ARHGAP45: variants seen among roughly 807,000 people sequenced by gnomAD.
The protein encoded by ARHGAP45 is rho GTPase-activating protein 45.
In ARHGAP45, 56 loss-of-function variants were observed where a neutral mutation model predicts 116.1. The ratio of observed to expected loss-of-function variants is 0.48; its 90% CI spans 0.39 to 0.60. The LOEUF (loss-of-function observed/expected upper bound fraction) is 0.60, where lower values mean the gene tolerates loss of function less well. ARHGAP45 is among the 20% of genes least tolerant of loss of function. ARHGAP45 has a pLI of 0.00. For missense variants in ARHGAP45, 1,622 were observed against 1,601.0 expected, an observed-to-expected ratio of 1.01 and a Z score of -0.22; for synonymous variants, 866 against 701.7, an observed-to-expected ratio of 1.23 and a Z score of -3.70.
chr19:1,084,034 C>T (rs992224767), intron 21 of ARHGAP45, among the ~76,000 whole-genome samples: 6 of 152,266 alleles, frequency 3.9e-5, no homozygotes, highest in African/African-American at 1.4e-4. Context: ...TGAGCCACTG[C>T]ACGCGGCGTC....
At chr19:1,066,263 G>T (rs2043029153), upstream of ARHGAP45, 1 of 728,714 alleles carries the variant, frequency 1.4e-6, no homozygotes, top group South Asian at 1.9e-5. Flanking sequence ...GGAGGGGGGA[G>T]AGAGTTCACA....
At chr19:1,074,966 C>G in intron 10 of ARHGAP45, 87 bp downstream of exon 10, 4 of 1,152,956 alleles carry the variant, frequency 3.5e-6, no homozygotes, top group Non-Finnish European at 4.5e-6. Flanking sequence ...AGCGAGGGCC[C>G]TGCGGCGAGC....
In ARHGAP45 at chr19:1,085,916, C is replaced by G. The variant is rs374136484; in HGVS notation, c.3321C>G (p.Asn1107Lys). 6.2e-7 allele frequency: 1 copy of G among 1,612,986 alleles called. No individual in the cohort carries two copies. Among genetic ancestry groups the G allele is most frequent in the Non-Finnish European group, 8.5e-7 (1 of 1,179,960 alleles). ...GATTCAACACCAACCAGTCCAACAACGTGCTGCAGGCCCCACTGCCCCCCA... is the reference window on the plus strand; with the variant it reads ...GATTCAACACCAACCAGTCCAACAAGGTGCTGCAGGCCCCACTGCCCCCCA... ...LSGFNTNQSN[N>K]VLQAPLPPMR... is the part of the protein sequence containing the mutation. The change falls in exon 23 of 23, where the codon AAC becomes AAG. Residue 1107 changes from asparagine (N) to lysine (K), a missense_variant. By Grantham distance (94) the Asn-to-Lys change is moderately conservative (BLOSUM62 0). This residue lies in a region of ARHGAP45 where 1,334 missense variants were observed against 1,263.8 expected (regional missense o/e 1.06). Transcript: ENST00000313093.
At chr19:1,066,139 C>T (rs1052348854), upstream of ARHGAP45, 27 of 1,535,410 alleles carry the variant, frequency 1.8e-5, no homozygotes, top group Non-Finnish European at 2.0e-5. Context: ...TCCTGTGCCC[C>T]AGAGATCTGC....
chr19:1,077,371 G>GTTA, intron 10 of ARHGAP45: 1 of 976,566 alleles, frequency 1.0e-6, no homozygotes, highest in Non-Finnish European at 1.2e-6. Flanking sequence ...GCCTCCTCCC[G>GTTA]TTCTTTTTTT....
At position 1,067,504 on chromosome 19, in the gene ARHGAP45, A is replaced by C; in HGVS notation, c.90+9A>C. 1.9e-6 allele frequency: 3 copies of C among 1,587,756 alleles called. No individual in the cohort carries two copies. Among genetic ancestry groups the C allele is most frequent in the South Asian group, 2.3e-5 (2 of 88,076 alleles). The stretch of plus-strand genomic sequence containing the variant: ...GCCCGCAGCCCTCGGGGGTGAGTGG[A>C]GCCCGGGTGAGACCCGGAGCTGACG... On this transcript the variant is annotated intron_variant, in intron 1 of 22. Transcript: ENST00000313093.
In ARHGAP45 at chr19:1,068,714, G is replaced by A; in HGVS notation, c.391G>A (p.Glu131Lys). 1 of 1,612,654 alleles carries A rather than the reference G, an allele frequency of 6.2e-7. No homozygotes were observed. The highest frequency in any genetic ancestry group is 8.5e-7 in the Non-Finnish European group (1 of 1,179,994). The change falls in exon 2 of 23, where the codon GAG (glutamate) becomes AAG (lysine). Residue 131 changes from glutamate to lysine, a missense_variant. Glu to Lys is a moderately conservative substitution (Grantham distance 56). Around this residue, in one of 3 missense-constraint regions of ARHGAP45, gnomAD observed 279 missense variants for 311.9 expected, o/e 0.89. Coordinates refer to ENST00000313093, the MANE Select transcript of ARHGAP45 (RefSeq NM_012292.5). The surrounding 1 kb of genome is among the most constrained non-coding windows in gnomAD (Gnocchi z 7.5). ...ADVARFAEGL[E>K]KLKECVLRDD... The stretch of plus-strand genomic sequence containing the variant: ...CGTGGCCCGCTTCGCTGAGGGCCTT[G>A]AGAAACTTAAGGAGTGTGTGTTGCG...
rs1022431680 is a variant in ARHGAP45, at chr19:1,069,201, C to G, written c.421+457C>G. 6.6e-6 allele frequency among the ~76,000 whole-genome samples: 1 copy of G among 151,982 alleles called. No individual in the cohort carries two copies. The highest frequency in any genetic ancestry group is 1.5e-5 in the Non-Finnish European group (1 of 67,988). ...TGGAATGAAGCAAACTGGGGGTTGG[C>G]TGAGGTCTGGGTGGAGAGAGATTCA... On this transcript the variant is annotated intron_variant, in intron 2 of 22. Transcript: ENST00000313093. This position sits in a 1 kb window ranked among gnomAD's most constrained non-coding sequence, Gnocchi z 4.1.
At position 1,074,701 on chromosome 19, in the gene ARHGAP45, T is replaced by G; in HGVS notation, c.1081T>G (p.Leu361Val). ...GHSMVQAVGT[L>V]QTQTFMQPLT... ...CAGCATGGTGCAGGCGGTGGGCACCTTGCAGACCCAGACCTTCATGCAGGT... is the reference window on the plus strand; with the variant it reads ...CAGCATGGTGCAGGCGGTGGGCACCGTGCAGACCCAGACCTTCATGCAGGT... Residue 361 changes from leucine (L) to valine (V), a missense_variant, in exon 9 of 23, where the codon TTG becomes GTG. By Grantham distance (32) the Leu-to-Val change is conservative. This residue lies in a region of ARHGAP45 where 1,334 missense variants were observed against 1,263.8 expected (regional missense o/e 1.06). Coordinates refer to ENST00000313093, the MANE Select transcript of ARHGAP45 (RefSeq NM_012292.5). 1.2e-6 allele frequency: 2 copies of G among 1,610,058 alleles called. No individual in the cohort carries two copies. The highest frequency in any genetic ancestry group is 1.7e-6 in the Non-Finnish European group (2 of 1,179,088).
rs1276487793 is a variant in ARHGAP45, at chr19:1,071,528, G to T, written c.422-1621G>T. On this transcript the variant is annotated intron_variant, in intron 2 of 22. Transcript: ENST00000313093. This position sits in a 1 kb window ranked among gnomAD's most constrained non-coding sequence, Gnocchi z 4.6. ...GGGTCGCGCCGGCCGCCGGCTTCCC[G>T]GGTAGGGGGTGTGCGGGGACAGCCG... 1.8e-5 allele frequency: 7 copies of T among 379,116 alleles called. No individual in the cohort carries two copies. Among genetic ancestry groups the T allele is most frequent in the Non-Finnish European group, 2.6e-5 (7 of 273,808 alleles). The allele number at this position is 379,116 out of a possible 1,614,324, so 23.5% of individuals were successfully genotyped here.
rs1568464614 is a variant in ARHGAP45, at chr19:1,076,481, G to GTTTTTTTTTTTT, written c.1186-1375_1186-1374insTTTTTTTTTTTT. On this transcript the variant is annotated intron_variant, in intron 10 of 22. Coordinates refer to ENST00000313093, the MANE Select transcript of ARHGAP45 (RefSeq NM_012292.5). ...TAGAAACCTGTGATTGTTGGCAGTA[G>GTTTTTTTTTTTT]TCTTTTTTTTTTTTTTTTTTTTTTT... Among the ~76,000 whole-genome samples, 80 of 104,162 alleles carry GTTTTTTTTTTTT rather than the reference G, an allele frequency of 7.7e-4. 3 individuals are homozygous for GTTTTTTTTTTTT. The highest frequency in any genetic ancestry group is 3.0e-3 in the African/African-American group (77 of 25,336). The allele number at this position is 104,162 out of a possible 152,430, so 68.3% of individuals were successfully genotyped here.
Position 1,074,242 on chromosome 19 carries a change from G to A in ARHGAP45, c.928+1G>A. On this transcript the variant is annotated splice_donor_variant, in intron 7 of 22. Coordinates refer to ENST00000313093, the MANE Select transcript of ARHGAP45 (RefSeq NM_012292.5). LOFTEE classifies it high-confidence loss of function. ...TACCTGGAGAAGCGGACGACGCTGG[G>A]TGAGAGCTGGTGTCCCAGCAGGGTG... The A allele has an allele frequency of 1.2e-6, 2 of 1,612,908 alleles. No individual in the cohort carries two copies. The highest frequency in any genetic ancestry group is 1.7e-6 in the Non-Finnish European group (2 of 1,179,814).
At position 1,068,117 on chromosome 19, in the gene ARHGAP45, A is replaced by T. The variant is rs994110806; in HGVS notation, c.91-297A>T. Among the ~76,000 whole-genome samples, 3 of 152,086 alleles carry T rather than the reference A, an allele frequency of 2.0e-5. No individual in the cohort carries two copies. The highest frequency in any genetic ancestry group is 7.2e-5 in the African/African-American group (3 of 41,420). On this transcript the variant is annotated intron_variant, in intron 1 of 22. Transcript: ENST00000313093. The surrounding 1 kb of genome is among the most constrained non-coding windows in gnomAD (Gnocchi z 7.5). ...AGCCTGAGGGGGGCTTGAAGGGCTG[A>T]GGACCCTCCCCACCCCCACCAGGAA...
At position 1,068,178 on chromosome 19, in the gene ARHGAP45, C is replaced by T. The variant is rs965212625; in HGVS notation, c.91-236C>T. Among the ~76,000 whole-genome samples the T allele has an allele frequency of 3.3e-5, 5 of 152,140 alleles. No homozygotes were observed. The highest frequency in any genetic ancestry group is 1.3e-4 in the Admixed American group (2 of 15,284). ...CCCTCCCGCGCCTCCCCGCAGGCCC[C>T]GCCCCGGCTGTGGTTTGGGCAAGGA... On this transcript the variant is annotated intron_variant, in intron 1 of 22. Transcript: ENST00000313093. The surrounding 1 kb of genome is among the most constrained non-coding windows in gnomAD (Gnocchi z 7.5).
At chr19:1,067,958 G>A (rs545501142) in intron 1 of ARHGAP45, among the ~76,000 whole-genome samples, 41 of 146,426 alleles carry the variant, frequency 2.8e-4, no homozygotes, top group African/African-American at 8.7e-4. Flanking sequence ...CAAAGCTGGG[G>A]GGGGGGTCTA....
rs1308886295 is a variant in ARHGAP45 at position 1,071,251 on chromosome 19, C to T, written c.422-1898C>T. The T allele has an allele frequency of 6.8e-7, 1 of 1,479,598 alleles. No homozygotes were observed. The highest frequency in any genetic ancestry group is 8.9e-7 in the Non-Finnish European group (1 of 1,119,272). The allele number at this position is 1,479,598 out of a possible 1,614,324, so 91.7% of individuals were successfully genotyped here. A position where few individuals can be genotyped will look rare whatever the true frequency, so the allele number is the denominator to read the frequency against. On this transcript the variant is annotated intron_variant, in intron 2 of 22. Coordinates refer to ENST00000313093, the MANE Select transcript of ARHGAP45 (RefSeq NM_012292.5). This position sits in a 1 kb window ranked among gnomAD's most constrained non-coding sequence, Gnocchi z 4.6. The stretch of plus-strand genomic sequence containing the variant: ...ACCCCCATCGGTCAGCTGCCAGGCC[C>T]CACGCGCTCGCGGTCTCCGCGCCCC...
chr19:1,067,088 G>C (rs1483076601), upstream of ARHGAP45: 13 of 896,484 alleles, frequency 1.5e-5, no homozygotes, highest in Non-Finnish European at 1.8e-5. Context: ...CGAGCGGCGC[G>C]GCTCCGAGCT....
At chr19:1,074,466 C>T in intron 8 of ARHGAP45, 59 bp downstream of exon 8, 1 of 1,444,962 alleles carries the variant, frequency 6.9e-7, no homozygotes, top group Non-Finnish European at 9.2e-7. Flanking sequence ...GTCTCAGCCC[C>T]ATTTCAAGGG....
chr19:1,072,548 C>A (rs2043160072), intron 2 of ARHGAP45, among the ~76,000 whole-genome samples: 1 of 152,224 alleles, frequency 6.6e-6, no homozygotes, highest in Non-Finnish European at 1.5e-5. Flanking sequence ...AGCCACCACC[C>A]CTGGCTGAGG....
Sources: allele counts gnomAD v4.1 joint callset (sites outside exome capture counted in the v4.1 genomes callset), GRCh38; gene constraint gnomAD v4.1.1; regional missense constraint gnomAD v4.1.1; non-coding constraint Gnocchi (gnomAD v3.1); transcripts MANE v1.5; gene names NCBI Gene and HGNC (gene_info 2026-07-23, HGNC 2026-07-21).